Variants in USP10 observed in about 807,000 individuals in gnomAD.
USP10 encodes the protein ubiquitin carboxyl-terminal hydrolase 10.
A neutral mutation model predicts 84.5 loss-of-function variants in USP10; 22 were observed. The observed-to-expected ratio is 0.26, with a 90% CI of 0.19 to 0.37. The LOEUF (loss-of-function observed/expected upper bound fraction) is 0.37, where lower values mean the gene tolerates loss of function less well. Among genes scored for constraint, USP10 ranks in the 10% least tolerant of loss-of-function variants. The probability of loss-of-function intolerance (pLI) is 1.00; values close to 1 mark genes in which losing one functional copy is unlikely to be tolerated. For synonymous variants in USP10, 454 were observed against 387.6 expected (o/e 1.17, Z -2.01); for missense variants, 1,019 against 998.9 (o/e 1.02, Z -0.27).
intron 2 of USP10, among the ~76,000 whole-genome samples, chr16:84,735,221 G>A (rs199525709): frequency 0.36 from 53,992 of 150,226 alleles, 10,261 homozygotes; most frequent in East Asian, 0.53. Flanking sequence ...GTGTGTGTGT[G>A]TGTGTGTGTG....
chr16:84,761,641 G>T (rs536455403), intron 8 of USP10, among the ~76,000 whole-genome samples: 2 of 152,250 alleles, frequency 1.3e-5, no homozygotes, highest in Non-Finnish European at 2.9e-5. Context: ...TTTTTACTGA[G>T]GGCTGGTCCC....
At chr16:84,778,091 CTGTGTGTGTGTGTG>C (rs113716260) in intron 13 of USP10, among the ~76,000 whole-genome samples, 1 of 143,432 alleles carries the variant, frequency 7.0e-6, no homozygotes, top group Non-Finnish European at 1.5e-5. Context: ...AAGTAAATAA[CTGTGTGTGTGTGTG>C]TGTGTGTGTG....
chr16:84,768,852 T>C (rs1341809670), intron 11 of USP10, among the ~76,000 whole-genome samples: 1 of 152,210 alleles, frequency 6.6e-6, no homozygotes, highest in Non-Finnish European at 1.5e-5. Context: ...TACTCTTTGA[T>C]TTGATCTGGA....
At position 84,759,847 on chromosome 16, in the gene USP10, A is replaced by G. The variant is rs536259292; in HGVS notation, c.1395-44A>G. 12 of 1,579,416 alleles carry G rather than the reference A, an allele frequency of 7.6e-6. 1 individual carries two copies. The highest frequency in any genetic ancestry group is 1.0e-5 in the Non-Finnish European group (12 of 1,149,346). The stretch of plus-strand genomic sequence containing the variant: ...TCAAAGCTCTTTAGTAAAAGTATAT[A>G]TTGTTTAAAACTGCACTATTTAACA... On this transcript the variant is annotated intron_variant, in intron 6 of 13. Coordinates refer to ENST00000219473, the MANE Select transcript of USP10 (RefSeq NM_005153.3).
At chr16:84,777,839 C>G (rs1183694932) in intron 13 of USP10, among the ~76,000 whole-genome samples, 1 of 152,212 alleles carries the variant, frequency 6.6e-6, no homozygotes, top group Non-Finnish European at 1.5e-5. Flanking sequence ...GGTTCCTTTT[C>G]TTTTGTGCCA....
At chr16:84,714,321 T>G (rs556844325) in intron 1 of USP10, among the ~76,000 whole-genome samples, 1 of 152,328 alleles carries the variant, frequency 6.6e-6, no homozygotes, top group African/African-American at 2.4e-5. Context: ...TTCCCACTTC[T>G]TCCTCTTTTT....
Position 84,745,178 on chromosome 16 carries a change from G to A in USP10, c.697G>A (p.Gly233Ser), listed in dbSNP as rs1027765187. Residue 233 changes from glycine to serine, a missense_variant, in exon 4 of 14, where the codon GGC (glycine) becomes AGC (serine). Gly to Ser is a moderately conservative substitution (Grantham distance 56). Coordinates refer to ENST00000219473, the MANE Select transcript of USP10 (RefSeq NM_005153.3). ...VPDSPFPGAL[G>S]SDTRTAGQPE... The stretch of plus-strand genomic sequence containing the variant: ...TGACAGTCCTTTCCCCGGAGCACTC[G>A]GCAGTGACACCAGGACTGCAGGGCA... 9.3e-6 allele frequency: 15 copies of A among 1,613,118 alleles called. No homozygotes were observed. Among genetic ancestry groups the A allele is most frequent in the Admixed American group, 3.3e-5 (2 of 59,948 alleles).
At chr16:84,735,034 T>G (rs1238182202) in intron 2 of USP10, among the ~76,000 whole-genome samples, 1 of 152,148 alleles carries the variant, frequency 6.6e-6, no homozygotes. Context: ...TTTTTTCTTT[T>G]CTTTTCTTTT....
chr16:84,759,265 T>C (rs1228155730), intron 5 of USP10, 98 bp from the exon 6 acceptor site: 1 of 1,140,184 alleles, frequency 8.8e-7, no homozygotes, highest in Non-Finnish European at 1.3e-6. Context: ...GTCCTTAGCT[T>C]CCTTGTGTTT....
chr16:84,775,607 G>A lies in USP10; in HGVS notation c.2209+382G>A, dbSNP rs373228637. Among the ~76,000 whole-genome samples, 139 of 152,284 alleles carry A rather than the reference G, an allele frequency of 9.1e-4. 5 individuals are homozygous for A. In the South Asian group the frequency reaches 0.025, roughly 28 times the overall value. On this transcript the variant is annotated intron_variant, in intron 13 of 13. Transcript: ENST00000219473. ...GGTCACCCAGCCAGGTTGGGTGAGC[G>A]CGCCCCCAGCCGGTGATCCCTGCGT...
intron 10 of USP10, among the ~76,000 whole-genome samples, chr16:84,767,503 A>G (rs779788797): frequency 3.4e-4 from 51 of 152,160 alleles, no homozygotes; most frequent in Non-Finnish European, 6.3e-4. Flanking sequence ...GGAAAATGCC[A>G]TTAAAAATCC....
At chr16:84,774,164 C>T (rs370847972) in intron 12 of USP10, among the ~76,000 whole-genome samples, 53 of 152,012 alleles carry the variant, frequency 3.5e-4, no homozygotes, top group African/African-American at 9.9e-4. Context: ...GCAGGAGAAT[C>T]GCTTGAACCT....
intron 1 of USP10, among the ~76,000 whole-genome samples, chr16:84,708,674 A>G (rs1291692939): frequency 6.6e-6 from 1 of 152,252 alleles, no homozygotes; most frequent in Non-Finnish European, 1.5e-5. Context: ...CTGCAATGGC[A>G]AAAAACAAAA....
rs115682816 is a variant in USP10, at chr16:84,710,929, C to T, written c.21+10818C>T. 4.8e-3 allele frequency among the ~76,000 whole-genome samples: 728 copies of T among 152,244 alleles called. 9 individuals are homozygous for T. The highest frequency in any genetic ancestry group is 0.017 in the African/African-American group (698 of 41,550). ...AGCCCTTTCGCATGAATAGCAATAA[C>T]GAAATCGTATTTTGGACAAAGTGTT... On this transcript the variant is annotated intron_variant, in intron 1 of 13. Coordinates refer to ENST00000219473, the MANE Select transcript of USP10 (RefSeq NM_005153.3).
chr16:84,753,177 C>G (rs559378865), intron 4 of USP10, among the ~76,000 whole-genome samples: 5 of 152,018 alleles, frequency 3.3e-5, no homozygotes, highest in African/African-American at 4.8e-5. Flanking sequence ...AACAGAGTCT[C>G]ACTGTGTGGC....
chr16:84,741,367 AC>A (rs1370642972), intron 3 of USP10, among the ~76,000 whole-genome samples: 1 of 152,262 alleles, frequency 6.6e-6, no homozygotes, highest in Non-Finnish European at 1.5e-5. Flanking sequence ...CTCCTGAGCC[AC>A]CTTTTAATTG....
intron 2 of USP10, among the ~76,000 whole-genome samples, chr16:84,736,900 T>C (rs1241586350): frequency 6.6e-6 from 1 of 152,248 alleles, no homozygotes; most frequent in East Asian, 1.9e-4. Context: ...ACCATTCTCC[T>C]GCCTCAGCCT....
At chr16:84,747,006 G>A (rs2150826244) in intron 4 of USP10, among the ~76,000 whole-genome samples, 1 of 152,272 alleles carries the variant, frequency 6.6e-6, no homozygotes, top group South Asian at 2.1e-4. Context: ...ATTAGCCTGG[G>A]CCTGCACAGG....
At chr16:84,758,000 C>G (rs1912785195) in intron 4 of USP10, among the ~76,000 whole-genome samples, 1 of 152,214 alleles carries the variant, frequency 6.6e-6, no homozygotes, top group Non-Finnish European at 1.5e-5. Flanking sequence ...GTCTTGTTTT[C>G]AAGCATTTCT....
Sources: allele counts gnomAD v4.1 joint callset (sites outside exome capture counted in the v4.1 genomes callset), GRCh38; gene constraint gnomAD v4.1.1; transcripts MANE v1.5; gene names NCBI Gene and HGNC (gene_info 2026-07-23, HGNC 2026-07-21).